LDAH: variants seen among roughly 807,000 people sequenced by gnomAD.
LDAH encodes lipid droplet-associated hydrolase.
A neutral mutation model predicts 29.6 loss-of-function variants in LDAH; 26 were observed. The observed-to-expected ratio is 0.88, with a 90% CI of 0.64 to 1.22. The LOEUF (loss-of-function observed/expected upper bound fraction) is 1.22, where lower values mean the gene tolerates loss of function less well. LDAH is among the 50% of genes most tolerant of loss of function. The probability of loss-of-function intolerance (pLI) is 0.00; values close to 1 mark genes in which losing one functional copy is unlikely to be tolerated. For missense variants in LDAH, 344 were observed against 387.3 expected (o/e 0.89, Z 0.94); for synonymous variants, 117 against 133.0 (o/e 0.88, Z 0.83).
At chr2:20,797,867 G>C (rs1452657229) in intron 2 of LDAH, among the ~76,000 whole-genome samples, 3 of 152,110 alleles carry the variant, frequency 2.0e-5, no homozygotes, top group African/African-American at 7.2e-5. Flanking sequence ...AATGAAATGA[G>C]TTTCTGGCTT....
chr2:20,752,350 TC>T (rs1480801084), intron 4 of LDAH, among the ~76,000 whole-genome samples: 1 of 152,060 alleles, frequency 6.6e-6, no homozygotes, highest in Non-Finnish European at 1.5e-5. Flanking sequence ...TCAAGTGAGT[TC>T]TAGAAAGAAA....
At chr2:20,772,896 A>T (rs961661699) in intron 4 of LDAH, among the ~76,000 whole-genome samples, 1 of 152,240 alleles carries the variant, frequency 6.6e-6, no homozygotes. Flanking sequence ...TCTCAACTAA[A>T]GCCTTCAGAT....
At chr2:20,701,180 A>G (rs1663907968) in intron 6 of LDAH, among the ~76,000 whole-genome samples, 1 of 152,214 alleles carries the variant, frequency 6.6e-6, no homozygotes, top group African/African-American at 2.4e-5. Flanking sequence ...ATTAGAGAAT[A>G]AGAAAGGCTC....
At chr2:20,724,030 G>T (rs571463732) in intron 5 of LDAH, among the ~76,000 whole-genome samples, 1 of 152,294 alleles carries the variant, frequency 6.6e-6, no homozygotes, top group South Asian at 2.1e-4. Context: ...CTGGCTAAAA[G>T]GTTTGAAATA....
At chr2:20,789,102 C>T (rs112842804) in intron 3 of LDAH, 3 of 1,547,882 alleles carry the variant, frequency 1.9e-6, no homozygotes, top group East Asian at 2.4e-5. Flanking sequence ...TACCTCTGCA[C>T]CCACCTCCAT....
intron 5 of LDAH, among the ~76,000 whole-genome samples, chr2:20,720,469 A>G (rs2149396655): frequency 6.6e-6 from 1 of 152,240 alleles, no homozygotes. Flanking sequence ...AGAAATGGAA[A>G]GGACACACAC....
At chr2:20,810,344 A>G (rs1293503850) in intron 1 of LDAH, among the ~76,000 whole-genome samples, 1 of 152,204 alleles carries the variant, frequency 6.6e-6, no homozygotes, top group Admixed American at 6.5e-5. Context: ...CCAAGAGCAA[A>G]TGTCTCAAGA....
At chr2:20,687,973 C>T (rs1161105883) in intron 6 of LDAH, among the ~76,000 whole-genome samples, 3 of 152,226 alleles carry the variant, frequency 2.0e-5, no homozygotes, top group Non-Finnish European at 4.4e-5. Flanking sequence ...AGCTCCAGCC[C>T]CTAGTTGGCC....
intron 3 of LDAH, 63 bp from the exon 4 acceptor site, chr2:20,775,042 A>T: frequency 7.1e-7 from 1 of 1,406,194 alleles, no homozygotes; most frequent in Non-Finnish European, 9.8e-7. Context: ...AAAGATCAAG[A>T]AAAAGATAAC....
chr2:20,741,972 G>A (rs907476909), intron 4 of LDAH, among the ~76,000 whole-genome samples: 13 of 152,108 alleles, frequency 8.5e-5, no homozygotes, highest in Non-Finnish European at 1.6e-4. Context: ...TTTATGGCAC[G>A]ATCCTGGCTC....
intron 6 of LDAH, among the ~76,000 whole-genome samples, chr2:20,694,270 A>G (rs1161120127): frequency 2.6e-5 from 4 of 152,246 alleles, no homozygotes; most frequent in African/African-American, 4.8e-5. Flanking sequence ...GAGTCCAGAC[A>G]GTCTGGATGA....
chr2:20,729,373 T>C lies in LDAH; in HGVS notation c.703+10598A>G, dbSNP rs377245068. ...TGACATATTATGTATTTAGTAAATA[T>C]ACCGTTAAGAATAATTTGTCATAGC... On this transcript the variant is annotated intron_variant, in intron 5 of 6. Coordinates refer to ENST00000237822, the MANE Select transcript of LDAH (RefSeq NM_021925.4). Among the ~76,000 whole-genome samples, 227 of 152,360 alleles carry C rather than the reference T, an allele frequency of 1.5e-3. 4 individuals carry two copies. The South Asian group carries it at 0.043, about 29-fold the overall frequency.
At chr2:20,765,421 C>T (rs989133368) in intron 4 of LDAH, among the ~76,000 whole-genome samples, 3 of 152,214 alleles carry the variant, frequency 2.0e-5, no homozygotes, top group Non-Finnish European at 4.4e-5. Context: ...ACACCAAGAA[C>T]CTTTTACTCT....
chr2:20,807,196 A>C (rs1672123760), intron 1 of LDAH, among the ~76,000 whole-genome samples: 1 of 152,062 alleles, frequency 6.6e-6, no homozygotes, highest in Non-Finnish European at 1.5e-5. Flanking sequence ...AAACAAAAAA[A>C]CCAAACCCAA....
intron 6 of LDAH, among the ~76,000 whole-genome samples, chr2:20,691,756 C>A (rs913041979): frequency 5.3e-5 from 8 of 152,114 alleles, no homozygotes; most frequent in African/African-American, 1.9e-4. Flanking sequence ...TGTTAAGTAA[C>A]CCATTGTTTT....
At chr2:20,819,105 AC>A (rs1673065282) in intron 1 of LDAH, among the ~76,000 whole-genome samples, 1 of 152,172 alleles carries the variant, frequency 6.6e-6, no homozygotes, top group African/African-American at 2.4e-5. Context: ...ACGAAACCAC[AC>A]ACTACACTCA....
intron 5 of LDAH, among the ~76,000 whole-genome samples, chr2:20,717,351 C>A (rs578157426): frequency 6.6e-6 from 1 of 152,114 alleles, no homozygotes; most frequent in Non-Finnish European, 1.5e-5. Flanking sequence ...GTCAAAGGTA[C>A]TGGTATCTGG....
At chr2:20,800,723 T>C (rs2125104927) in intron 2 of LDAH, among the ~76,000 whole-genome samples, 1 of 152,310 alleles carries the variant, frequency 6.6e-6, no homozygotes, top group Non-Finnish European at 1.5e-5. Flanking sequence ...AACCTCTGCC[T>C]CCCAGGTTCA....
chr2:20,810,370 T>G (rs1672385044), intron 1 of LDAH, among the ~76,000 whole-genome samples: 1 of 152,228 alleles, frequency 6.6e-6, no homozygotes. Context: ...AGATTAAAGT[T>G]GTATCACCTT....
Sources: allele counts gnomAD v4.1 joint callset (sites outside exome capture counted in the v4.1 genomes callset), GRCh38; gene constraint gnomAD v4.1.1; transcripts MANE v1.5; gene names NCBI Gene and HGNC (gene_info 2026-07-23, HGNC 2026-07-21).